UBXN4: variants seen among roughly 807,000 people sequenced by gnomAD.
The protein encoded by UBXN4 is UBX domain-containing protein 4.
Under a neutral mutation model 66.2 loss-of-function variants are expected in UBXN4, and 35 were observed. The observed-to-expected ratio is 0.53, with a 90% confidence interval of 0.40 to 0.70. The LOEUF (loss-of-function observed/expected upper bound fraction) is 0.70. Ranked by LOEUF, UBXN4 falls within the 30% of genes least tolerant of loss-of-function variation. The probability of loss-of-function intolerance (pLI) is 0.00; values close to 1 mark genes in which losing one functional copy is unlikely to be tolerated. For missense variants in UBXN4, 533 were observed against 599.8 expected (o/e 0.89, Z 1.16); for synonymous variants, 203 against 204.5 (o/e 0.99, Z 0.06).
chr2:135,782,939 C>G lies in UBXN4; in HGVS notation c.*52C>G. On this transcript the variant is annotated 3_prime_UTR_variant, in exon 13 of 13. Coordinates refer to ENST00000272638, the MANE Select transcript of UBXN4 (RefSeq NM_014607.4). Reference sequence around the variant, plus strand: ...TCATTGTTTCTCTTATGATTTAATTCAACTAAAATTCTACTGGAGAAGTGG... The same window carrying G: ...TCATTGTTTCTCTTATGATTTAATTGAACTAAAATTCTACTGGAGAAGTGG... 6.4e-7 allele frequency: 1 copy of G among 1,554,294 alleles called. No homozygotes were observed. Among genetic ancestry groups the G allele is most frequent in the Non-Finnish European group, 8.7e-7 (1 of 1,147,678 alleles).
intron 5 of UBXN4, among the ~76,000 whole-genome samples, chr2:135,756,153 A>G (rs2077277762): frequency 6.6e-6 from 1 of 152,196 alleles, no homozygotes; most frequent in African/African-American, 2.4e-5. Flanking sequence ...TAGAAGTAAG[A>G]GGTGTGACTG....
intron 9 of UBXN4, among the ~76,000 whole-genome samples, chr2:135,773,980 C>A (rs544854254): frequency 6.6e-6 from 1 of 152,102 alleles, no homozygotes; most frequent in African/African-American, 2.4e-5. Context: ...TCTATAGATT[C>A]AACACTCCTA....
intron 9 of UBXN4, 121 bp downstream of exon 9, chr2:135,772,668 T>C: frequency 8.1e-7 from 1 of 1,228,304 alleles, no homozygotes; most frequent in Non-Finnish European, 1.1e-6. Flanking sequence ...AGGGACATAT[T>C]AATTTGACAG....
intron 5 of UBXN4, 111 bp downstream of exon 5, chr2:135,755,802 T>G (rs955498399): frequency 2.7e-6 from 2 of 745,014 alleles, no homozygotes; most frequent in African/African-American, 3.7e-5. Flanking sequence ...TCACATTTAT[T>G]TAACTTAAAA....
At chr2:135,753,473 A>G in intron 2 of UBXN4, 66 bp from the exon 3 acceptor site, 1 of 1,407,058 alleles carries the variant, frequency 7.1e-7, no homozygotes, top group South Asian at 1.6e-5. Flanking sequence ...AAATTTTATT[A>G]AAACAACTCA....
At chr2:135,743,587 C>T (rs1224181002) in intron 1 of UBXN4, among the ~76,000 whole-genome samples, 1 of 152,094 alleles carries the variant, frequency 6.6e-6, no homozygotes, top group East Asian at 1.9e-4. Flanking sequence ...TTTTTAGTAG[C>T]TTCAAAAAAA....
intron 10 of UBXN4, among the ~76,000 whole-genome samples, chr2:135,776,955 C>T (rs1424850727): frequency 1.3e-5 from 2 of 152,136 alleles, no homozygotes; most frequent in Non-Finnish European, 2.9e-5. Context: ...AGTGATTTCC[C>T]GAAGGTCTGA....
At position 135,778,289 on chromosome 2, in the gene UBXN4, TAAAA is replaced by T. The variant is rs549877657; in HGVS notation, c.1054-649_1054-646del. 2.1e-5 allele frequency among the ~76,000 whole-genome samples: 3 copies of T among 144,146 alleles called. No homozygotes were observed. The East Asian group carries it at 6.0e-4, about 29-fold the overall frequency. The allele number at this position is 144,146 out of a possible 152,430, so 94.6% of individuals were successfully genotyped here. On this transcript the variant is annotated intron_variant, in intron 10 of 12. Transcript: ENST00000272638. Reference sequence around the variant, plus strand: ...AGTGAGGGGTATGTGTGATCTACAGTAAAAAAAAAAAAATACGAAAAACAAGTTA... The same window carrying T: ...AGTGAGGGGTATGTGTGATCTACAGTAAAAAAAAATACGAAAAACAAGTTA...
Position 135,755,625 on chromosome 2 carries a change from C to G in UBXN4, c.442C>G (p.Gln148Glu), listed in dbSNP as rs886965691. ...ACCTAACAACACTTGTGAAAACTCTCAGTCCAGAAATGCAGAGCTTTGTGA... is the reference window on the plus strand; with the variant it reads ...ACCTAACAACACTTGTGAAAACTCTGAGTCCAGAAATGCAGAGCTTTGTGA... The part of the protein sequence containing the change: ...FEPNNTCENS[Q>E]SRNAELCEIP... Residue 148 changes from glutamine to glutamate, a missense_variant, in exon 5 of 13, where the codon CAG becomes GAG. By Grantham distance (29) the Gln-to-Glu change is conservative. Coordinates refer to ENST00000272638, the MANE Select transcript of UBXN4 (RefSeq NM_014607.4). 4 of 1,609,074 alleles carry G rather than the reference C, an allele frequency of 2.5e-6. No homozygotes were observed. Among genetic ancestry groups the G allele is most frequent in the Non-Finnish European group, 3.4e-6 (4 of 1,177,554 alleles).
chr2:135,777,062 C>T (rs934582662), intron 10 of UBXN4, among the ~76,000 whole-genome samples: 3 of 152,192 alleles, frequency 2.0e-5, no homozygotes, highest in African/African-American at 7.2e-5. Flanking sequence ...CATTTTCCTA[C>T]GATTTACCTT....
At chr2:135,748,541 G>A (rs2077223250) in intron 2 of UBXN4, among the ~76,000 whole-genome samples, 172 bp downstream of exon 2, 1 of 151,228 alleles carries the variant, frequency 6.6e-6, no homozygotes, top group Non-Finnish European at 1.5e-5. Flanking sequence ...GCTAGCCTGG[G>A]CAACATAGTG....
chr2:135,754,985 T>C (rs1027930423), intron 4 of UBXN4, among the ~76,000 whole-genome samples: 1 of 152,048 alleles, frequency 6.6e-6, no homozygotes, highest in Non-Finnish European at 1.5e-5. Context: ...AATTTTGCCA[T>C]GTTGGCCAGG....
chr2:135,747,685 A>G (rs1284111525), intron 1 of UBXN4: 5 of 456,210 alleles, frequency 1.1e-5, no homozygotes, highest in Non-Finnish European at 2.2e-5. Flanking sequence ...CCCAGGCTGG[A>G]GTGCAGTGGT....
At chr2:135,758,846 C>T (rs56408270) in intron 5 of UBXN4, among the ~76,000 whole-genome samples, 4,798 of 152,044 alleles carry the variant, frequency 0.032, 238 homozygotes, top group African/African-American at 0.11. Context: ...GCAACCTCCA[C>T]TTCCCAGGTT....
At chr2:135,779,608 C>G (rs924264778) in intron 11 of UBXN4, among the ~76,000 whole-genome samples, 28 of 152,080 alleles carry the variant, frequency 1.8e-4, no homozygotes, top group African/African-American at 5.5e-4. Context: ...CCCTCCACCC[C>G]AAAACAGTTA....
chr2:135,778,289 T>TAA (rs549877657), intron 10 of UBXN4, among the ~76,000 whole-genome samples: 1 of 144,144 alleles, frequency 6.9e-6, no homozygotes, highest in Admixed American at 7.0e-5. Context: ...TGATCTACAG[T>TAA]AAAAAAAAAA....
At chr2:135,750,639 C>CTA (rs555978921) in intron 2 of UBXN4, among the ~76,000 whole-genome samples, 205 of 151,970 alleles carry the variant, frequency 1.3e-3, no homozygotes, top group African/African-American at 4.6e-3. Context: ...AGTTACTGAA[C>CTA]TATGTATTTA....
intron 3 of UBXN4, 133 bp downstream of exon 3, chr2:135,753,700 A>C: frequency 1.3e-6 from 1 of 776,890 alleles, no homozygotes. Context: ...CTTTATTACT[A>C]AGTGTCCTCA....
chr2:135,758,576 T>C (rs536156699), intron 5 of UBXN4, among the ~76,000 whole-genome samples: 116 of 151,978 alleles, frequency 7.6e-4, no homozygotes, highest in Non-Finnish European at 1.3e-3. Context: ...TAGAAAAAAA[T>C]AGTATAAGAA....
Sources: allele counts gnomAD v4.1 joint callset (sites outside exome capture counted in the v4.1 genomes callset), GRCh38; gene constraint gnomAD v4.1.1; transcripts MANE v1.5; gene names NCBI Gene and HGNC (gene_info 2026-07-23, HGNC 2026-07-21).